CLIC5: variants seen among roughly 807,000 people sequenced by gnomAD.
CLIC5 encodes the protein CLIC family member 5.
In CLIC5, 20 loss-of-function variants were observed where a neutral mutation model predicts 24.7. The observed-to-expected ratio is 0.81, with a 90% CI of 0.57 to 1.18. CLIC5 has a LOEUF of 1.18. Ranked by LOEUF, CLIC5 falls within the 50% of genes most tolerant of loss-of-function variation. CLIC5 has a pLI of 0.00. For missense variants in CLIC5, 341 were observed against 326.1 expected (o/e 1.05, Z -0.35); for synonymous variants, 159 against 135.6 (o/e 1.17, Z -1.20).
chr6:46,083,331 T>A (rs1278615075), upstream of CLIC5, among the ~76,000 whole-genome samples: 1 of 152,240 alleles, frequency 6.6e-6, no homozygotes, highest in African/African-American at 2.4e-5. Context: ...TGAATGTGTT[T>A]GCTCTTGCTT....
chr6:46,072,412 A>G (rs1400196356), intron 1 of CLIC5, among the ~76,000 whole-genome samples: 1 of 152,002 alleles, frequency 6.6e-6, no homozygotes, highest in Non-Finnish European at 1.5e-5. Context: ...CAGAGGTGAA[A>G]TCGATTGCAC....
chr6:46,025,643 A>G (rs1261843017), intron 1 of CLIC5, among the ~76,000 whole-genome samples: 1 of 152,236 alleles, frequency 6.6e-6, no homozygotes, highest in African/African-American at 2.4e-5. Context: ...CTGCTGAATC[A>G]TTCAAAAAAG....
chr6:45,980,280 T>G (rs1170894753), intron 1 of CLIC5, among the ~76,000 whole-genome samples: 1 of 152,144 alleles, frequency 6.6e-6, no homozygotes, highest in African/African-American at 2.4e-5. Context: ...GCCAGTACCA[T>G]GCTGTTTCAG....
At chr6:45,971,296 C>T (rs182273949) in intron 1 of CLIC5, among the ~76,000 whole-genome samples, 39 of 152,254 alleles carry the variant, frequency 2.6e-4, no homozygotes, top group African/African-American at 8.4e-4. Flanking sequence ...TATATGTAAT[C>T]GTTGACAATC....
At position 45,902,988 on chromosome 6, in the gene CLIC5, A is replaced by G; in HGVS notation, c.*100T>C. 1 of 1,295,344 alleles carries G rather than the reference A, an allele frequency of 7.7e-7. No homozygotes were observed. Among genetic ancestry groups the G allele is most frequent in the East Asian group, 2.3e-5 (1 of 42,738 alleles). 80.2% of individuals were successfully genotyped at this position (1,295,344 alleles called of 1,614,324 possible). On this transcript the variant is annotated 3_prime_UTR_variant, in exon 6 of 6. Coordinates refer to ENST00000339561, the MANE Select transcript of CLIC5 (RefSeq NM_016929.5). Reference sequence around the variant, plus strand: ...AGCAAGATGAGGCTTGATTATAAAAAGTGCGCCTCAAGGCAGTGATACAGA... The same window carrying G: ...AGCAAGATGAGGCTTGATTATAAAAGGTGCGCCTCAAGGCAGTGATACAGA...
the CLIC5 span, among the ~76,000 whole-genome samples, chr6:46,109,146 T>TA: frequency 6.6e-6 from 1 of 152,320 alleles, no homozygotes; most frequent in South Asian, 2.1e-4. Context: ...ATTGTGTCTT[T>TA]ATAGATATTT....
At chr6:45,962,345 G>C (rs1043996594) in intron 1 of CLIC5, among the ~76,000 whole-genome samples, 2 of 151,820 alleles carry the variant, frequency 1.3e-5, no homozygotes, top group African/African-American at 4.8e-5. Context: ...GCCGCAGTTC[G>C]AGTCCAAAGG....
intron 5 of CLIC5, among the ~76,000 whole-genome samples, chr6:45,913,168 C>T (rs924058035): frequency 3.3e-5 from 5 of 152,194 alleles, no homozygotes; most frequent in South Asian, 4.1e-4. Context: ...TATTGAATGG[C>T]CACTGTGTGC....
chr6:45,923,821 C>T (rs533053595), intron 4 of CLIC5, among the ~76,000 whole-genome samples: 84 of 152,266 alleles, frequency 5.5e-4, no homozygotes, highest in African/African-American at 1.8e-3. Context: ...TGTTAATATA[C>T]GCAAGTCAAG....
intron 1 of CLIC5, among the ~76,000 whole-genome samples, chr6:45,993,412 AC>A (rs1766012938): frequency 6.6e-6 from 1 of 152,232 alleles, no homozygotes. Flanking sequence ...TCTCATTTGC[AC>A]CTCGAAATGC....
intron 1 of CLIC5, among the ~76,000 whole-genome samples, chr6:46,045,243 G>A (rs1355593406): frequency 6.6e-6 from 1 of 152,082 alleles, no homozygotes; most frequent in East Asian, 1.9e-4. Flanking sequence ...TAAATCACTT[G>A]ATCCAACATA....
chr6:46,096,317 C>A, the CLIC5 span, among the ~76,000 whole-genome samples: 1 of 152,226 alleles, frequency 6.6e-6, no homozygotes, highest in African/African-American at 2.4e-5. Context: ...CAAACCATAT[C>A]ATGCCACAAA....
chr6:45,985,259 G>C (rs1219055220), intron 1 of CLIC5, among the ~76,000 whole-genome samples: 1 of 152,118 alleles, frequency 6.6e-6, no homozygotes, highest in Non-Finnish European at 1.5e-5. Context: ...GTAAGAGATG[G>C]GCCCAGAGAG....
chr6:45,986,839 T>C (rs1381800342), intron 1 of CLIC5, among the ~76,000 whole-genome samples: 1 of 152,208 alleles, frequency 6.6e-6, no homozygotes, highest in Non-Finnish European at 1.5e-5. Context: ...ACTTAATTGC[T>C]TTGATTATAA....
chr6:45,889,588 C>T (rs1202478059), intron 6 of CLIC5, among the ~76,000 whole-genome samples: 2 of 151,986 alleles, frequency 1.3e-5, no homozygotes, highest in East Asian at 1.9e-4. Flanking sequence ...GGAAAAAGTA[C>T]AAGAAACAAA....
chr6:46,101,633 T>G, the CLIC5 span, among the ~76,000 whole-genome samples: 1 of 152,220 alleles, frequency 6.6e-6, no homozygotes, highest in African/African-American at 2.4e-5. Flanking sequence ...GATTTGGCTA[T>G]TATCTCTCAC....
At chr6:46,103,154 C>T in the CLIC5 span, among the ~76,000 whole-genome samples, 11 of 152,020 alleles carry the variant, frequency 7.2e-5, no homozygotes, top group Admixed American at 2.6e-4. Context: ...GCCTATAGTC[C>T]TGTAACTAGT....
At chr6:46,102,187 A>G in the CLIC5 span, among the ~76,000 whole-genome samples, 1 of 152,260 alleles carries the variant, frequency 6.6e-6, no homozygotes, top group African/African-American at 2.4e-5. Context: ...ACCCAAAAAT[A>G]CACAGAAAAT....
chr6:46,109,334 C>G, the CLIC5 span, among the ~76,000 whole-genome samples: 5 of 151,944 alleles, frequency 3.3e-5, no homozygotes, highest in African/African-American at 1.2e-4. Flanking sequence ...ACAGTTTAAT[C>G]TATTCCATAA....
Sources: gnomAD v4.1 joint callset for allele counts (sites outside exome capture counted in the v4.1 genomes callset) on GRCh38, gnomAD v4.1.1 for gene constraint, MANE v1.5 for transcripts, NCBI Gene and HGNC (gene_info 2026-07-23, HGNC 2026-07-21) for gene names.